The following GLRA2 variants were observed in gnomAD, a reference collection of about 807,000 sequenced individuals.
GLRA2 encodes glycine receptor alpha 2, also known as glycine receptor subunit alpha-2.
A neutral mutation model predicts 31.6 loss-of-function variants in GLRA2; 11 were observed. The observed-to-expected ratio is 0.35, with a 90% CI of 0.22 to 0.58. GLRA2 has a LOEUF of 0.58. Ranked by LOEUF, GLRA2 falls within the 20% of genes least tolerant of loss-of-function variation. The pLI is 0.84. For synonymous variants in GLRA2, 132 were observed against 134.0 expected (o/e 0.99, Z 0.10); for missense variants, 212 against 351.8 (o/e 0.60, Z 3.18).
At chrX:14,655,462 T>G (rs779581312) in intron 7 of GLRA2, among the ~76,000 whole-genome samples, 1 of 111,346 alleles carries the variant, frequency 9.0e-6, no homozygotes, top group African/African-American at 3.3e-5. Flanking sequence ...CACTCCTGAA[T>G]TACTTCCTTC....
chrX:14,723,785 G>C (rs1330866953), intron 8 of GLRA2, among the ~76,000 whole-genome samples: 1 of 111,686 alleles, frequency 9.0e-6, no homozygotes, highest in Non-Finnish European at 1.9e-5. Context: ...TCACTTCCTA[G>C]GGGAAAAGCT....
At chrX:14,452,370 T>C in the GLRA2 span, among the ~76,000 whole-genome samples, 1 of 112,654 alleles carries the variant, frequency 8.9e-6, no homozygotes, top group East Asian at 2.8e-4. Flanking sequence ...TTTCTTTGAT[T>C]CTCTTTATGC....
intron 1 of GLRA2, 48 bp downstream of exon 1, chrX:14,530,173 A>G (rs749978524): frequency 1.5e-5 from 11 of 743,375 alleles, no homozygotes; most frequent in Non-Finnish European, 2.1e-5. Context: ...TTTAAAAGAG[A>G]ATGTGTCATG....
intron 8 of GLRA2, among the ~76,000 whole-genome samples, chrX:14,709,593 G>A (rs888140603): frequency 8.0e-5 from 9 of 112,108 alleles, no homozygotes; most frequent in South Asian, 3.7e-4. Flanking sequence ...AGCTATAAGC[G>A]ACAGTGAACA....
At chrX:14,519,053 T>G in the GLRA2 span, among the ~76,000 whole-genome samples, 1 of 106,946 alleles carries the variant, frequency 9.4e-6, no homozygotes, top group East Asian at 2.9e-4. Flanking sequence ...GGTAATAGAT[T>G]ACCATTCAGT....
chrX:14,629,335 C>T (rs1360783276), intron 7 of GLRA2, among the ~76,000 whole-genome samples: 1 of 111,692 alleles, frequency 9.0e-6, no homozygotes, highest in Non-Finnish European at 1.9e-5. Context: ...TTGTAGCTTA[C>T]TTACCAATTA....
chrX:14,652,576 TTGTTATGTC>T (rs1217306933), intron 7 of GLRA2, among the ~76,000 whole-genome samples: 1 of 111,771 alleles, frequency 8.9e-6, no homozygotes, highest in Non-Finnish European at 1.9e-5. Flanking sequence ...TTGTTCATTA[TTGTTATGTC>T]TGTTATGGTG....
At chrX:14,496,079 C>T in the GLRA2 span, among the ~76,000 whole-genome samples, 10 of 110,701 alleles carry the variant, frequency 9.0e-5, no homozygotes, top group South Asian at 7.6e-4. Flanking sequence ...TTAGCATGGG[C>T]GAAATGCAAA....
At chrX:14,464,875 A>G in the GLRA2 span, among the ~76,000 whole-genome samples, 4 of 112,284 alleles carry the variant, frequency 3.6e-5, no homozygotes, top group African/African-American at 6.5e-5. Context: ...TTTTTATGAC[A>G]GCACCATGTT....
At chrX:14,635,652 A>C (rs1016505245) in intron 7 of GLRA2, among the ~76,000 whole-genome samples, 9 of 112,084 alleles carry the variant, frequency 8.0e-5, no homozygotes, top group Non-Finnish European at 1.3e-4. Context: ...TGGACGGTTT[A>C]GCAACAATAC....
intron 8 of GLRA2, among the ~76,000 whole-genome samples, chrX:14,707,537 C>A (rs995035555): frequency 9.2e-6 from 1 of 109,152 alleles, no homozygotes; most frequent in Admixed American, 9.8e-5. Flanking sequence ...GAGCTTAGAA[C>A]CTGATAGGTA....
At chrX:14,687,407 T>G (rs1466868042) in intron 7 of GLRA2, among the ~76,000 whole-genome samples, 1 of 112,265 alleles carries the variant, frequency 8.9e-6, no homozygotes, top group Non-Finnish European at 1.9e-5. Context: ...GTTTTCCAAC[T>G]TGGTTCCATT....
chrX:14,705,911 T>C (rs2091614159), intron 8 of GLRA2, among the ~76,000 whole-genome samples: 2 of 111,911 alleles, frequency 1.8e-5, no homozygotes, highest in Admixed American at 1.9e-4. Flanking sequence ...CTCTATCTGC[T>C]GCTGCTAGGA....
chrX:14,657,921 A>G (rs2090955802), intron 7 of GLRA2, among the ~76,000 whole-genome samples: 1 of 111,241 alleles, frequency 9.0e-6, no homozygotes, highest in Non-Finnish European at 1.9e-5. Flanking sequence ...CTTTAATTCT[A>G]TTTCATCTCT....
intron 7 of GLRA2, among the ~76,000 whole-genome samples, chrX:14,652,298 C>T (rs1354251340): frequency 1.8e-5 from 2 of 111,417 alleles, no homozygotes; most frequent in African/African-American, 3.3e-5. Flanking sequence ...AGGGGATTAC[C>T]GGACATAAGT....
the GLRA2 span, among the ~76,000 whole-genome samples, chrX:14,494,913 C>T: frequency 1.8e-5 from 2 of 111,781 alleles, no homozygotes; most frequent in African/African-American, 6.5e-5. Flanking sequence ...ATGAGGGCCG[C>T]CACATCACCT....
intron 8 of GLRA2, among the ~76,000 whole-genome samples, chrX:14,727,919 T>C (rs2091946952): frequency 8.9e-6 from 1 of 111,927 alleles, no homozygotes; most frequent in Non-Finnish European, 1.9e-5. Flanking sequence ...CAGCACCTAG[T>C]ACAATGCTTG....
At chrX:14,469,523 G>T in the GLRA2 span, among the ~76,000 whole-genome samples, 4 of 107,526 alleles carry the variant, frequency 3.7e-5, no homozygotes, top group Non-Finnish European at 5.8e-5. Context: ...CCATAAAAAA[G>T]GATGAGTTCA....
intron 8 of GLRA2, among the ~76,000 whole-genome samples, chrX:14,693,262 G>C (rs2091390836): frequency 8.9e-6 from 1 of 111,809 alleles, no homozygotes; most frequent in Admixed American, 9.5e-5. Flanking sequence ...GATAGAGAAA[G>C]CTTCAAAGTA....
Sources: gnomAD v4.1 joint callset for allele counts (sites outside exome capture counted in the v4.1 genomes callset) on GRCh38, gnomAD v4.1.1 for gene constraint, MANE v1.5 for transcripts, NCBI Gene and HGNC (gene_info 2026-07-23, HGNC 2026-07-21) for gene names.